RGS3: variants seen among roughly 807,000 people sequenced by gnomAD.
RGS3 encodes the protein regulator of G protein signaling 3.
RGS3 carries 80 observed loss-of-function variants against 132.6 expected under a neutral mutation model. The observed-to-expected ratio is 0.60, with a 90% CI of 0.50 to 0.73. The LOEUF is 0.73. Among genes scored for constraint, RGS3 ranks in the 30% least tolerant of loss-of-function variants. The pLI, the probability that RGS3 is intolerant of heterozygous loss-of-function variation, is 0.00. For synonymous variants in RGS3, 598 were observed against 620.6 expected (o/e 0.96, Z 0.54); for missense variants, 1,382 against 1,530.8 (o/e 0.90, Z 1.62).
chr9:113,475,295 CGAT>C, intron 3 of RGS3, among the ~76,000 whole-genome samples: 1 of 152,130 alleles, frequency 6.6e-6, no homozygotes, highest in East Asian at 1.9e-4. Flanking sequence ...TGCCCAACCT[CGAT>C]GAGGATGACT....
At chr9:113,570,676 A>G (rs112964091) in intron 19 of RGS3, among the ~76,000 whole-genome samples, 5,965 of 151,730 alleles carry the variant, frequency 0.039, 163 homozygotes, top group South Asian at 0.099. Flanking sequence ...TTTGAGGCAG[A>G]GTCTCGCTCT....
At chr9:113,446,799 G>A (rs1291064743) in intron 1 of RGS3, among the ~76,000 whole-genome samples, 2 of 152,072 alleles carry the variant, frequency 1.3e-5, no homozygotes, top group South Asian at 2.1e-4. Flanking sequence ...TGTCCAAAAG[G>A]CCTAGGATTT....
chr9:113,469,704 A>T (rs77870967), intron 3 of RGS3, among the ~76,000 whole-genome samples: 2,062 of 152,176 alleles, frequency 0.014, 42 homozygotes, highest in African/African-American at 0.047. Context: ...TTTACTTCAA[A>T]ATATTTTCTA....
chr9:113,454,133 C>T (rs941020479), intron 1 of RGS3, among the ~76,000 whole-genome samples: 4 of 152,122 alleles, frequency 2.6e-5, no homozygotes, highest in East Asian at 1.9e-4. Flanking sequence ...TGTCATTTCT[C>T]GGTTGGTTTC....
At chr9:113,554,614 A>T (rs1427930277) in intron 19 of RGS3, among the ~76,000 whole-genome samples, 1 of 152,092 alleles carries the variant, frequency 6.6e-6, no homozygotes, top group African/African-American at 2.4e-5. Context: ...GCCTCATTTT[A>T]TGTTGATCAG....
chr9:113,497,216 TG>T, intron 8 of RGS3, 97 bp from the exon 7 acceptor site: 1 of 870,598 alleles, frequency 1.1e-6, no homozygotes, highest in Non-Finnish European at 1.9e-6. Flanking sequence ...CTCCTGTGGG[TG>T]GGTGTCCAGT....
At chr9:113,562,609 A>AAG (rs1833841454) in intron 19 of RGS3, among the ~76,000 whole-genome samples, 1 of 152,132 alleles carries the variant, frequency 6.6e-6, no homozygotes, top group Non-Finnish European at 1.5e-5. Flanking sequence ...TTATGTATGA[A>AAG]ATATGTGGAT....
chr9:113,584,227 C>T lies in RGS3; in HGVS notation c.2815C>T (p.Arg939Cys), dbSNP rs1342908388. ...ACTGCGTGTGCAGAACTCGCTGCGG[C>T]GCCGGACGCACAGCGAGGGCAGCCT... The change falls in exon 20 of 25, where the codon CGC (arginine) becomes TGC (cysteine). Residue 939 changes from arginine to cysteine, a missense_variant. Physicochemically the swap from Arg to Cys is radical, Grantham distance 180 (BLOSUM62 -3). Coordinates refer to ENST00000350696, the Ensembl canonical transcript of RGS3. The T allele has an allele frequency of 8.1e-6, 13 of 1,612,682 alleles. No individual in the cohort carries two copies. The highest frequency in any genetic ancestry group is 2.2e-5 in the East Asian group (1 of 44,764).
In RGS3 at chr9:113,584,430, G is replaced by C. The variant is rs772789564; in HGVS notation, c.3015+3G>C. ...TCTTCTTCACAGGACACAGGAAGGTGAGAAAGCTAAAGGGGGAGGGAGAAG... is the reference window on the plus strand; with the variant it reads ...TCTTCTTCACAGGACACAGGAAGGTCAGAAAGCTAAAGGGGGAGGGAGAAG... On this transcript the variant is annotated splice_donor_region_variant and intron_variant, in intron 20 of 24. Coordinates refer to ENST00000350696, the Ensembl canonical transcript of RGS3. 63 of 1,506,460 alleles carry C rather than the reference G, an allele frequency of 4.2e-5. No individual in the cohort carries two copies. The highest frequency in any genetic ancestry group is 5.3e-5 in the Non-Finnish European group (60 of 1,135,430). 93.3% of individuals were successfully genotyped at this position (1,506,460 alleles called of 1,614,324 possible).
At chr9:113,484,276 A>C (rs770508235) in intron 6 of RGS3, 44 bp downstream of exon 4, 2 of 835,078 alleles carry the variant, frequency 2.4e-6, no homozygotes, top group Non-Finnish European at 3.7e-6. Flanking sequence ...AGAGGGAAGG[A>C]GTGTTTATCT....
chr9:113,551,270 C>T (rs1487289025), intron 19 of RGS3, among the ~76,000 whole-genome samples: 2 of 152,148 alleles, frequency 1.3e-5, no homozygotes, highest in Non-Finnish European at 2.9e-5. Flanking sequence ...CTAATGTTTT[C>T]AGGATCATCC....
At chr9:113,479,397 A>T in intron 3 of RGS3, 94 bp from the exon 2 acceptor site, 1 of 1,281,908 alleles carries the variant, frequency 7.8e-7, no homozygotes. Flanking sequence ...GCTTCACATG[A>T]ACAAAAGAGC....
intron 1 of RGS3, among the ~76,000 whole-genome samples, chr9:113,454,683 CTTTTTTTT>C (rs772993021): frequency 8.2e-6 from 1 of 121,282 alleles, no homozygotes; most frequent in Admixed American, 8.4e-5. Flanking sequence ...TGCTTTTAAA[CTTTTTTTT>C]TTTTTTTTTT....
chr9:113,588,577 C>G (rs919029861), intron 20 of RGS3, among the ~76,000 whole-genome samples: 2 of 152,270 alleles, frequency 1.3e-5, no homozygotes, highest in African/African-American at 4.8e-5. Flanking sequence ...GTTTCCTCAG[C>G]TGCACACTGA....
chr9:113,597,456 C>G (rs1477038089), exon 25 of RGS3: 1 of 153,426 alleles, frequency 6.5e-6, no homozygotes, highest in Non-Finnish European at 1.5e-5. Flanking sequence ...TCCTGATTTA[C>G]AAGTGCAATA....
At chr9:113,586,018 C>T (rs1482314033) in intron 20 of RGS3, among the ~76,000 whole-genome samples, 1 of 152,182 alleles carries the variant, frequency 6.6e-6, no homozygotes, top group African/African-American at 2.4e-5. Context: ...ATATGTGATT[C>T]CTAGTCCCCA....
intron 21 of RGS3, chr9:113,594,150 G>C: frequency 6.2e-7 from 1 of 1,613,132 alleles, no homozygotes; most frequent in Non-Finnish European, 8.5e-7. Context: ...CAGGATTCCA[G>C]AGAGCGTGTG....
At chr9:113,517,909 G>T (rs938667332) in intron 16 of RGS3, among the ~76,000 whole-genome samples, 1 of 152,196 alleles carries the variant, frequency 6.6e-6, no homozygotes, top group Non-Finnish European at 1.5e-5. Context: ...GAGCAGAAGA[G>T]ATGGCAATTT....
chr9:113,554,233 T>C (rs1409673681), intron 19 of RGS3, among the ~76,000 whole-genome samples: 1 of 152,236 alleles, frequency 6.6e-6, no homozygotes, highest in Non-Finnish European at 1.5e-5. Flanking sequence ...TTTTAATTCT[T>C]TGTTGGTACA....
Sources: allele counts gnomAD v4.1 joint callset (sites outside exome capture counted in the v4.1 genomes callset), GRCh38; gene constraint gnomAD v4.1.1; transcripts MANE v1.5; gene names NCBI Gene and HGNC (gene_info 2026-07-23, HGNC 2026-07-21).